SULF1: variants seen among roughly 807,000 people sequenced by gnomAD.
The protein encoded by SULF1 is extracellular sulfatase Sulf-1.
A neutral mutation model predicts 110.5 loss-of-function variants in SULF1; 46 were observed. That is an observed-to-expected ratio of 0.42 (90% CI 0.33 to 0.53). The LOEUF (loss-of-function observed/expected upper bound fraction) is 0.53. Among genes scored for constraint, SULF1 ranks in the 20% least tolerant of loss-of-function variants. The pLI, the probability that SULF1 is intolerant of heterozygous loss-of-function variation, is 0.12. For synonymous variants in SULF1, 371 were observed against 387.1 expected (o/e 0.96, Z 0.49); for missense variants, 941 against 1,094.2 (o/e 0.86, Z 1.98).
intron 5 of SULF1, 60 bp from the exon 6 acceptor site, chr8:69,575,910 A>G: frequency 6.3e-7 from 1 of 1,578,162 alleles, no homozygotes; most frequent in South Asian, 1.2e-5. Context: ...GAGGGGCACA[A>G]TCGAAATAGG....
At chr8:69,569,696 G>A (rs917915957) in intron 5 of SULF1, among the ~76,000 whole-genome samples, 6 of 152,258 alleles carry the variant, frequency 3.9e-5, no homozygotes, top group African/African-American at 1.4e-4. Context: ...ATGTAGCCCT[G>A]TAGGCATGTT....
intron 1 of SULF1, among the ~76,000 whole-genome samples, chr8:69,472,812 T>C (rs751742084): frequency 5.3e-5 from 8 of 152,204 alleles, no homozygotes; most frequent in Non-Finnish European, 1.2e-4. Context: ...TCCTGCACAG[T>C]AGTGTATTAA....
At chr8:69,522,139 C>G (rs1812351266) in intron 3 of SULF1, among the ~76,000 whole-genome samples, 1 of 151,972 alleles carries the variant, frequency 6.6e-6, no homozygotes. Flanking sequence ...CAACCTCCAC[C>G]TCCTGGGTTC....
chr8:69,474,704 A>T (rs1156809379), intron 1 of SULF1, among the ~76,000 whole-genome samples: 1 of 152,212 alleles, frequency 6.6e-6, no homozygotes, highest in Non-Finnish European at 1.5e-5. Flanking sequence ...TTCATATGTG[A>T]TATTGAGATT....
chr8:69,627,939 T>C, intron 17 of SULF1, 73 bp downstream of exon 17: 2 of 1,126,366 alleles, frequency 1.8e-6, no homozygotes, highest in Non-Finnish European at 2.6e-6. Context: ...AGCACTGGGC[T>C]CATTTTTCTC....
intron 3 of SULF1, among the ~76,000 whole-genome samples, chr8:69,512,266 G>A (rs951711669): frequency 3.9e-5 from 6 of 152,134 alleles, no homozygotes; most frequent in African/African-American, 1.2e-4. Flanking sequence ...ACCAAAGGGA[G>A]AGTAGAAAAA....
intron 22 of SULF1, among the ~76,000 whole-genome samples, chr8:69,643,183 G>A (rs1325966813): frequency 6.6e-6 from 1 of 152,238 alleles, no homozygotes; most frequent in East Asian, 1.9e-4. Flanking sequence ...TATCTGCCTA[G>A]TCACACCTGG....
At chr8:69,563,173 G>A (rs1408037751) in intron 3 of SULF1, 1 of 152,508 alleles carries the variant, frequency 6.6e-6, no homozygotes, top group Non-Finnish European at 1.5e-5. Flanking sequence ...CATGCCCCTT[G>A]CGCCATCTGC....
intron 3 of SULF1, among the ~76,000 whole-genome samples, chr8:69,509,487 A>T (rs1412785964): frequency 6.6e-6 from 1 of 152,232 alleles, no homozygotes; most frequent in Non-Finnish European, 1.5e-5. Context: ...ACTGTATTAG[A>T]TACTTGTTGT....
At position 69,609,091 on chromosome 8, in the gene SULF1, C is replaced by T. The variant is rs137978173; in HGVS notation, c.1377+4159C>T. 2.6e-3 allele frequency among the ~76,000 whole-genome samples: 395 copies of T among 152,214 alleles called. 2 individuals carry two copies. Among genetic ancestry groups the T allele is most frequent in the African/African-American group, 9.1e-3 (378 of 41,514 alleles). On this transcript the variant is annotated intron_variant, in intron 13 of 22. Coordinates refer to ENST00000402687, the MANE Select transcript of SULF1 (RefSeq NM_001128205.2). ...GCAGCTTATGGCTTACTCCCATAAT[C>T]CCAGCACTTTGGGAGGCTGAGGCAG...
intron 22 of SULF1, among the ~76,000 whole-genome samples, chr8:69,647,069 C>G (rs1811974210): frequency 6.6e-6 from 1 of 151,450 alleles, no homozygotes; most frequent in Non-Finnish European, 1.5e-5. Flanking sequence ...CTCAGCCTCC[C>G]TAGTAGCTGG....
intron 15 of SULF1, among the ~76,000 whole-genome samples, chr8:69,626,856 C>G (rs1000860661): frequency 6.6e-6 from 1 of 152,246 alleles, no homozygotes; most frequent in South Asian, 2.1e-4. Flanking sequence ...GCCTCTCCCT[C>G]CACACCTCCC....
At chr8:69,505,961 G>C (rs1042182959) in intron 3 of SULF1, among the ~76,000 whole-genome samples, 2 of 151,300 alleles carry the variant, frequency 1.3e-5, no homozygotes, top group Non-Finnish European at 2.9e-5. Context: ...TATATACTAA[G>C]TAGAATCATA....
chr8:69,556,040 T>C (rs908421418), intron 3 of SULF1, among the ~76,000 whole-genome samples: 2 of 152,200 alleles, frequency 1.3e-5, no homozygotes, highest in Non-Finnish European at 2.9e-5. Flanking sequence ...GATTGAACTT[T>C]ATACTGTGAG....
intron 1 of SULF1, among the ~76,000 whole-genome samples, chr8:69,476,095 A>G (rs938370047): frequency 6.6e-6 from 1 of 152,186 alleles, no homozygotes; most frequent in Non-Finnish European, 1.5e-5. Flanking sequence ...GCAAGAAGAG[A>G]TGAAATATTT....
At chr8:69,565,709 T>A (rs1320617857) in intron 5 of SULF1, among the ~76,000 whole-genome samples, 1 of 152,222 alleles carries the variant, frequency 6.6e-6, no homozygotes, top group Non-Finnish European at 1.5e-5. Flanking sequence ...CTTTTCTGCT[T>A]AAGTCCCTTC....
chr8:69,585,813 C>T (rs1000478141), intron 6 of SULF1, among the ~76,000 whole-genome samples: 1 of 152,134 alleles, frequency 6.6e-6, no homozygotes, highest in African/African-American at 2.4e-5. Flanking sequence ...AAACCCTGAC[C>T]ATATCCCATA....
chr8:69,520,115 AC>A, intron 3 of SULF1, among the ~76,000 whole-genome samples: 1 of 40,066 alleles, frequency 2.5e-5, no homozygotes, highest in African/African-American at 1.5e-4. Context: ...TTCCAGTTAC[AC>A]ACACACACAC....
Position 69,562,954 on chromosome 8 carries a change from T to A in SULF1, c.-133-585T>A, listed in dbSNP as rs1332597299. 7 of 152,526 alleles carry A rather than the reference T, an allele frequency of 4.6e-5. No individual in the cohort carries two copies. The East Asian group carries it at 1.4e-3, about 29-fold the overall frequency. The allele number at this position is 152,526 out of a possible 1,614,324, so 9.4% of individuals were successfully genotyped here. On this transcript the variant is annotated intron_variant, in intron 3 of 22. Coordinates refer to ENST00000402687, the MANE Select transcript of SULF1 (RefSeq NM_001128205.2). ...AGCCTTGCACGGAGGAAGCACCTTTTCCTTCTGGTGATTGATTGATGGGGG... is the reference window on the plus strand; with the variant it reads ...AGCCTTGCACGGAGGAAGCACCTTTACCTTCTGGTGATTGATTGATGGGGG...
Sources: allele counts gnomAD v4.1 joint callset (sites outside exome capture counted in the v4.1 genomes callset), GRCh38; gene constraint gnomAD v4.1.1; transcripts MANE v1.5; gene names NCBI Gene and HGNC (gene_info 2026-07-23, HGNC 2026-07-21).